The following GMDS variants were observed in gnomAD, a reference collection of about 807,000 sequenced individuals.
GMDS encodes GDP-mannose 4,6 dehydratase.
GMDS carries 20 observed loss-of-function variants against 49.9 expected under a neutral mutation model. The ratio of observed to expected loss-of-function variants is 0.40; its 90% CI spans 0.28 to 0.58. The LOEUF (loss-of-function observed/expected upper bound fraction) is 0.58. GMDS is among the 20% of genes least tolerant of loss of function. GMDS has a pLI of 0.42. For synonymous variants in GMDS, 177 were observed against 178.6 expected (o/e 0.99, Z 0.07); for missense variants, 362 against 481.4 (o/e 0.75, Z 2.32).
At chr6:1,996,607 T>C (rs1022289930) in intron 4 of GMDS, among the ~76,000 whole-genome samples, 3 of 152,210 alleles carry the variant, frequency 2.0e-5, no homozygotes, top group Non-Finnish European at 2.9e-5. Flanking sequence ...CTGCATCATA[T>C]GGCTTCCAAC....
rs763408027 is a variant in GMDS, at chr6:1,623,860, G to A, written c.*309C>T. 57 of 387,864 alleles carry A rather than the reference G, an allele frequency of 1.5e-4. No homozygotes were observed. Among genetic ancestry groups the A allele is most frequent in the Admixed American group, 4.6e-4 (11 of 24,040 alleles). The allele number at this position is 387,864 out of a possible 1,614,324, so 24.0% of individuals were successfully genotyped here. A position where few individuals can be genotyped will look rare whatever the true frequency, so the allele number is the denominator to read the frequency against. ...ATGAAAAGAGAAAAACAATTTGAAGGCCCCACAATTTGTTGTGTAACAACA... is the reference window on the plus strand; with the variant it reads ...ATGAAAAGAGAAAAACAATTTGAAGACCCCACAATTTGTTGTGTAACAACA... On this transcript the variant is annotated 3_prime_UTR_variant, in exon 11 of 11. Transcript: ENST00000380815.
At chr6:1,912,960 G>T (rs999040974) in intron 7 of GMDS, among the ~76,000 whole-genome samples, 1 of 152,126 alleles carries the variant, frequency 6.6e-6, no homozygotes, top group South Asian at 2.1e-4. Flanking sequence ...CCTTACCTCT[G>T]CCACACAAAC....
At chr6:2,106,308 A>C (rs1444409744) in intron 4 of GMDS, among the ~76,000 whole-genome samples, 1 of 152,220 alleles carries the variant, frequency 6.6e-6, no homozygotes, top group African/African-American at 2.4e-5. Flanking sequence ...TTGAACTAGA[A>C]AAGATTTCAT....
At chr6:2,133,211 A>C (rs1460408064) in intron 1 of GMDS, among the ~76,000 whole-genome samples, 1 of 152,336 alleles carries the variant, frequency 6.6e-6, no homozygotes, top group South Asian at 2.1e-4. Flanking sequence ...TTTGGAAGGA[A>C]AAAAACTGCA....
At chr6:2,060,465 G>A (rs1031051222) in intron 4 of GMDS, among the ~76,000 whole-genome samples, 2 of 152,266 alleles carry the variant, frequency 1.3e-5, no homozygotes, top group Admixed American at 1.3e-4. Flanking sequence ...TTCAAATCAT[G>A]ATGACTGGGC....
At chr6:2,061,718 CAAAAA>C (rs68037512) in intron 4 of GMDS, among the ~76,000 whole-genome samples, 5 of 57,098 alleles carry the variant, frequency 8.8e-5, no homozygotes, top group Non-Finnish European at 1.2e-4. Context: ...GACTCTGTCT[CAAAAA>C]AAAAAAAAAA....
intron 6 of GMDS, among the ~76,000 whole-genome samples, chr6:1,943,475 T>A (rs559625916): frequency 6.6e-6 from 1 of 152,202 alleles, no homozygotes; most frequent in African/African-American, 2.4e-5. Flanking sequence ...ATATAACACA[T>A]GATAGGTGTT....
At chr6:1,984,892 C>T (rs1007879641) in intron 4 of GMDS, among the ~76,000 whole-genome samples, 3 of 152,094 alleles carry the variant, frequency 2.0e-5, no homozygotes, top group Admixed American at 6.6e-5. Flanking sequence ...CAAAACAACA[C>T]AAAGCTACTG....
At chr6:1,850,047 G>A (rs915065740) in intron 7 of GMDS, among the ~76,000 whole-genome samples, 2 of 152,158 alleles carry the variant, frequency 1.3e-5, no homozygotes, top group Admixed American at 6.5e-5. Context: ...GTGTTCCAAC[G>A]TAAAATATCA....
At chr6:2,196,822 T>A (rs1235202090) in intron 1 of GMDS, among the ~76,000 whole-genome samples, 1 of 141,654 alleles carries the variant, frequency 7.1e-6, no homozygotes, top group East Asian at 2.0e-4. Context: ...CTTGGGGTGA[T>A]CAAGATTTTT....
intron 9 of GMDS, among the ~76,000 whole-genome samples, chr6:1,655,574 G>C (rs990680754): frequency 6.6e-6 from 1 of 150,828 alleles, no homozygotes; most frequent in Non-Finnish European, 1.5e-5. Flanking sequence ...GAGTGCAGTG[G>C]CTCTCTGCAG....
intron 4 of GMDS, among the ~76,000 whole-genome samples, chr6:2,014,909 A>G (rs1355942804): frequency 6.6e-6 from 1 of 152,160 alleles, no homozygotes; most frequent in Non-Finnish European, 1.5e-5. Flanking sequence ...TAATCAAAAG[A>G]AAGTTATAAT....
intron 9 of GMDS, among the ~76,000 whole-genome samples, chr6:1,630,517 C>T (rs1023003749): frequency 2.0e-5 from 3 of 152,340 alleles, no homozygotes; most frequent in Non-Finnish European, 1.5e-5. Context: ...TGAGGCCTTC[C>T]CCGTTCAACC....
intron 4 of GMDS, among the ~76,000 whole-genome samples, chr6:1,994,654 G>T (rs1469974184): frequency 6.6e-6 from 1 of 151,852 alleles, no homozygotes; most frequent in Non-Finnish European, 1.5e-5. Context: ...TGGGCATATG[G>T]TACGCAGAGA....
chr6:1,840,293 T>A (rs146171194), intron 7 of GMDS, among the ~76,000 whole-genome samples: 200 of 152,280 alleles, frequency 1.3e-3, no homozygotes, highest in African/African-American at 4.2e-3. Context: ...GTACCACCCC[T>A]CTCACGCTCT....
At chr6:1,935,586 CA>C (rs1298541440) in intron 6 of GMDS, among the ~76,000 whole-genome samples, 1 of 152,002 alleles carries the variant, frequency 6.6e-6, no homozygotes, top group Non-Finnish European at 1.5e-5. Context: ...GAGGAAAAAT[CA>C]AAATAAACAG....
At chr6:2,159,758 C>G (rs1777298338) in intron 1 of GMDS, among the ~76,000 whole-genome samples, 1 of 151,998 alleles carries the variant, frequency 6.6e-6, no homozygotes, top group Non-Finnish European at 1.5e-5. Flanking sequence ...CTCAGGTGAT[C>G]TGCCTGCCTT....
At chr6:2,096,566 A>G (rs1290361110) in intron 4 of GMDS, among the ~76,000 whole-genome samples, 2 of 152,222 alleles carry the variant, frequency 1.3e-5, no homozygotes, top group Admixed American at 6.5e-5. Context: ...CAAGCTAAGT[A>G]ACAGCTGTCA....
At position 1,737,140 on chromosome 6, in the gene GMDS, A is replaced by G. The variant is rs180778072; in HGVS notation, c.890+5328T>C. Among the ~76,000 whole-genome samples the G allele has an allele frequency of 8.3e-4, 127 of 152,324 alleles. 4 individuals are homozygous for G. The South Asian group carries it at 0.015, about 18-fold the overall frequency. On this transcript the variant is annotated intron_variant, in intron 8 of 10. Coordinates refer to ENST00000380815, the MANE Select transcript of GMDS (RefSeq NM_001500.4). ...GAAATGGGTTTCTTTTCTGATGTAT[A>G]ACAATGTTGCCCTTGTTACTTTTAC...
Sources: gnomAD v4.1 joint callset for allele counts (sites outside exome capture counted in the v4.1 genomes callset) on GRCh38, gnomAD v4.1.1 for gene constraint, MANE v1.5 for transcripts, NCBI Gene and HGNC (gene_info 2026-07-23, HGNC 2026-07-21) for gene names.